Variants in NCKAP1 observed in about 807,000 individuals in gnomAD.
NCKAP1 encodes nck-associated protein 1.
Under a neutral mutation model 151.2 loss-of-function variants are expected in NCKAP1, and 21 were observed. The observed-to-expected ratio is 0.14, with a 90% CI of 0.10 to 0.20. The LOEUF is 0.20. Among genes scored for constraint, NCKAP1 ranks in the 10% least tolerant of loss-of-function variants. The probability of loss-of-function intolerance (pLI) is 1.00; values close to 1 mark genes in which losing one functional copy is unlikely to be tolerated. For synonymous variants in NCKAP1, 484 were observed against 451.8 expected, an observed-to-expected ratio of 1.07 and a Z score of -0.90; for missense variants, 933 against 1,352.1, an observed-to-expected ratio of 0.69 and a Z score of 4.86.
chr2:183,037,949 G>T, intron 1 of NCKAP1, 43 bp downstream of exon 1: 1 of 1,490,846 alleles, frequency 6.7e-7, no homozygotes, highest in Non-Finnish European at 9.0e-7. Context: ...CATCCCTCCC[G>T]GGCCCGCCCG....
At chr2:182,975,832 G>A (rs1697811273) in intron 15 of NCKAP1, among the ~76,000 whole-genome samples, 1 of 152,056 alleles carries the variant, frequency 6.6e-6, no homozygotes, top group Non-Finnish European at 1.5e-5. Flanking sequence ...CTGAACATAC[G>A]AGCCTGAGGT....
At chr2:182,991,107 C>A (rs746569346) in intron 8 of NCKAP1, among the ~76,000 whole-genome samples, 57 of 152,136 alleles carry the variant, frequency 3.7e-4, no homozygotes, top group Non-Finnish European at 7.8e-4. Context: ...CACCTTTGTA[C>A]GTTAACACTT....
At chr2:182,969,919 C>CA (rs1260027709) in intron 15 of NCKAP1, among the ~76,000 whole-genome samples, 3 of 151,528 alleles carry the variant, frequency 2.0e-5, no homozygotes, top group Non-Finnish European at 4.4e-5. Flanking sequence ...AAGAAGACCC[C>CA]AAAAAAATCA....
intron 20 of NCKAP1, 101 bp downstream of exon 20, chr2:182,956,361 A>G: frequency 7.0e-7 from 1 of 1,424,504 alleles, no homozygotes; most frequent in East Asian, 2.3e-5. Flanking sequence ...TCTTAACACT[A>G]ATCCAGTTCT....
At chr2:182,937,750 A>G (rs572763142) in intron 24 of NCKAP1, among the ~76,000 whole-genome samples, 3 of 152,332 alleles carry the variant, frequency 2.0e-5, no homozygotes, top group East Asian at 3.9e-4. Flanking sequence ...ACTCTCATCT[A>G]TAAGACATAG....
chr2:182,997,148 T>C (rs1030604375), intron 6 of NCKAP1, among the ~76,000 whole-genome samples: 1 of 152,176 alleles, frequency 6.6e-6, no homozygotes, highest in African/African-American at 2.4e-5. Context: ...CTTTTTTCCT[T>C]GTTAATCTAG....
intron 21 of NCKAP1, 69 bp from the exon 22 acceptor site, chr2:182,952,992 C>G (rs1235546611): frequency 6.7e-7 from 1 of 1,500,060 alleles, no homozygotes; most frequent in Non-Finnish European, 9.0e-7. Context: ...ATATACATTC[C>G]TGCATATAAT....
intron 9 of NCKAP1, among the ~76,000 whole-genome samples, chr2:182,986,803 TA>T (rs1159936865): frequency 2.0e-5 from 3 of 151,984 alleles, no homozygotes; most frequent in Admixed American, 6.6e-5. Flanking sequence ...ATTTTTCAAA[TA>T]AAAAAACATT....
intron 23 of NCKAP1, among the ~76,000 whole-genome samples, chr2:182,948,545 A>G (rs1035528902): frequency 5.9e-5 from 9 of 152,202 alleles, no homozygotes; most frequent in Admixed American, 5.2e-4. Flanking sequence ...ATTCATACTT[A>G]CAGACAAGGC....
In NCKAP1 at chr2:182,964,693, C is replaced by T; in HGVS notation, c.1744G>A (p.Glu582Lys). ...LCTHFMSCTH[E>K]LCPEERHHIG... Reference sequence around the variant, plus strand: ...ATAATTACCTCTTCTGGACATAGTTCATGCGTGCAACTCATAAAATGAGTG... The same window carrying T: ...ATAATTACCTCTTCTGGACATAGTTTATGCGTGCAACTCATAAAATGAGTG... The change falls in exon 17 of 31, where the codon GAA becomes AAA. Residue 582 changes from glutamate (E) to lysine (K), a missense_variant. Glu to Lys is a moderately conservative substitution (Grantham distance 56). Transcript: ENST00000361354. 1 of 1,601,890 alleles carries T rather than the reference C, an allele frequency of 6.2e-7. No individual in the cohort carries two copies. Among genetic ancestry groups the T allele is most frequent in the Non-Finnish European group, 8.5e-7 (1 of 1,174,158 alleles).
intron 21 of NCKAP1, 61 bp downstream of exon 21, chr2:182,953,052 T>C: frequency 4.7e-6 from 7 of 1,502,316 alleles, no homozygotes; most frequent in Non-Finnish European, 6.3e-6. Context: ...AAAAAATTAA[T>C]TTTCCTAAGT....
chr2:183,013,508 C>A (rs977003916), intron 2 of NCKAP1, among the ~76,000 whole-genome samples: 3 of 152,136 alleles, frequency 2.0e-5, no homozygotes, highest in Non-Finnish European at 4.4e-5. Flanking sequence ...AAAAATATAT[C>A]CAGAATCTGA....
At chr2:182,944,330 G>C (rs944683062) in intron 23 of NCKAP1, among the ~76,000 whole-genome samples, 34 of 152,050 alleles carry the variant, frequency 2.2e-4, no homozygotes, top group African/African-American at 7.5e-4. Flanking sequence ...GTGTTAAAAA[G>C]AAAGTGTTAA....
At position 182,959,909 on chromosome 2, in the gene NCKAP1, G is replaced by A. The variant is rs535908310; in HGVS notation, c.1881+2250C>T. Among the ~76,000 whole-genome samples, 4 of 152,250 alleles carry A rather than the reference G, an allele frequency of 2.6e-5. No homozygotes were observed. In the East Asian group the frequency reaches 5.8e-4, roughly 22 times the overall value. ...AAGTCTCAGGATACAAAATCAATGT[G>A]CAAAAATCACAAGCATTCTTATACA... On this transcript the variant is annotated intron_variant, in intron 18 of 30. Transcript: ENST00000361354.
chr2:182,916,767 T>G lies in NCKAP1; in HGVS notation c.*8935A>C, dbSNP rs1189968822. 6.6e-6 allele frequency: 1 copy of G among 152,234 alleles called. No individual in the cohort carries two copies. Among genetic ancestry groups the G allele is most frequent in the African/African-American group, 2.4e-5 (1 of 41,448 alleles). 9.4% of individuals were successfully genotyped at this position (152,234 alleles called of 1,614,324 possible). On this transcript the variant is annotated 3_prime_UTR_variant, in exon 31 of 31. Coordinates refer to ENST00000361354, the MANE Select transcript of NCKAP1 (RefSeq NM_013436.5). The stretch of plus-strand genomic sequence containing the variant: ...TACAAGCTTTACATCTTATACATTT[T>G]TGTGTATAGTATATAAAAATATAGT...
rs1698003249 is a variant in NCKAP1, at chr2:182,984,289, C to T, written c.1005-907G>A. 2.0e-5 allele frequency among the ~76,000 whole-genome samples: 3 copies of T among 152,014 alleles called. No homozygotes were observed. In the South Asian group the frequency reaches 6.2e-4, roughly 32 times the overall value. On this transcript the variant is annotated intron_variant, in intron 10 of 30. Coordinates refer to ENST00000361354, the MANE Select transcript of NCKAP1 (RefSeq NM_013436.5). ...GATAATCATAAATATTCATATACTACTTATTTTAAAATTAAGATTAGAAAA... is the reference window on the plus strand; with the variant it reads ...GATAATCATAAATATTCATATACTATTTATTTTAAAATTAAGATTAGAAAA...
chr2:182,953,669 A>G (rs1456891503), intron 20 of NCKAP1, among the ~76,000 whole-genome samples: 1 of 152,060 alleles, frequency 6.6e-6, no homozygotes, highest in East Asian at 1.9e-4. Flanking sequence ...GGCCTGGCAC[A>G]TGCCTGTAAT....
intron 18 of NCKAP1, among the ~76,000 whole-genome samples, chr2:182,959,818 T>C (rs1467495697): frequency 2.0e-5 from 3 of 152,210 alleles, no homozygotes; most frequent in African/African-American, 7.2e-5. Context: ...GCAGGGGACA[T>C]GATTGTATAT....
chr2:182,930,097 G>T (rs915189129), intron 27 of NCKAP1, among the ~76,000 whole-genome samples: 1 of 151,822 alleles, frequency 6.6e-6, no homozygotes, highest in East Asian at 1.9e-4. Context: ...TCTTGACTTT[G>T]CTCTTGCCTC....
Sources: gnomAD v4.1 joint callset for allele counts (sites outside exome capture counted in the v4.1 genomes callset) on GRCh38, gnomAD v4.1.1 for gene constraint, MANE v1.5 for transcripts, NCBI Gene and HGNC (gene_info 2026-07-23, HGNC 2026-07-21) for gene names.